The following NDUFAB1 variants were observed in gnomAD, a reference collection of about 807,000 sequenced individuals.
NDUFAB1 encodes acyl carrier protein, mitochondrial.
Under a neutral mutation model 16.1 loss-of-function variants are expected in NDUFAB1, and 5 were observed. That is an observed-to-expected ratio of 0.31 (90% CI 0.16 to 0.65). The LOEUF (loss-of-function observed/expected upper bound fraction) is 0.65. NDUFAB1 is among the 30% of genes least tolerant of loss of function. NDUFAB1 has a pLI of 0.77. For synonymous variants in NDUFAB1, 85 were observed against 78.4 expected (o/e 1.08, Z -0.44); for missense variants, 187 against 205.3 (o/e 0.91, Z 0.54).
intron 1 of NDUFAB1, among the ~76,000 whole-genome samples, chr16:23,590,639 T>TA (rs1555507748): frequency 2.1e-4 from 18 of 86,642 alleles, no homozygotes; most frequent in Non-Finnish European, 3.8e-4. Context: ...CTCTGGTCTC[T>TA]TTTTTTTTTT....
intron 3 of NDUFAB1, among the ~76,000 whole-genome samples, chr16:23,584,061 A>G (rs1174288785): frequency 6.6e-6 from 1 of 151,540 alleles, no homozygotes; most frequent in Non-Finnish European, 1.5e-5. Context: ...TGAAGGCAGC[A>G]TGCTTGTTAA....
chr16:23,587,327 G>C lies in NDUFAB1; in HGVS notation c.169-8C>G. ...TGTAACTCTACCAGGAACCTAGAGC[G>C]ACGGCAGGAAGGAAACACTGTCATT... On this transcript the variant is annotated splice_polypyrimidine_tract_variant and splice_region_variant and intron_variant, in intron 1 of 4. Coordinates refer to ENST00000007516, the MANE Select transcript of NDUFAB1 (RefSeq NM_005003.3). 6.2e-7 allele frequency: 1 copy of C among 1,612,580 alleles called. No individual in the cohort carries two copies. Among genetic ancestry groups the C allele is most frequent in the Non-Finnish European group, 8.5e-7 (1 of 1,179,486 alleles).
intron 1 of NDUFAB1, among the ~76,000 whole-genome samples, chr16:23,590,504 C>T: frequency 6.6e-6 from 1 of 152,154 alleles, no homozygotes. Flanking sequence ...GCACTTAACA[C>T]AGTAAGTGCT....
chr16:23,585,543 G>C, intron 2 of NDUFAB1, 120 bp from the exon 3 acceptor site: 1 of 705,108 alleles, frequency 1.4e-6, no homozygotes, highest in Non-Finnish European at 2.5e-6. Flanking sequence ...TTAAGTTTTA[G>C]GGTACATGTG....
chr16:23,583,672 A>G (rs1427603384), intron 3 of NDUFAB1, among the ~76,000 whole-genome samples: 3,480 of 106,522 alleles, frequency 0.033, 520 homozygotes, highest in African/African-American at 0.077. Flanking sequence ...GCCCCGTCTG[A>G]GAAGTGAGGA....
At chr16:23,587,101 G>A in intron 2 of NDUFAB1, 96 bp downstream of exon 2, 1 of 1,275,546 alleles carries the variant, frequency 7.8e-7, no homozygotes, top group South Asian at 1.4e-5. Context: ...CTGGGAGCCA[G>A]GGAGATTTTT....
rs1966244634 is a variant in NDUFAB1, at chr16:23,587,565, CA to C, written c.169-247del. 2.6e-5 allele frequency among the ~76,000 whole-genome samples: 4 copies of C among 152,240 alleles called. 1 individual carries two copies. The highest frequency in any genetic ancestry group is 5.9e-5 in the Non-Finnish European group (4 of 68,036). ...GACCGGCCCCTCTGCCTCCTGGCTT[CA>C]ACCCTCAGGCTCTGGACATTCATAC... On this transcript the variant is annotated intron_variant, in intron 1 of 4. Transcript: ENST00000007516.
intron 1 of NDUFAB1, among the ~76,000 whole-genome samples, chr16:23,595,215 G>C (rs1475568763): frequency 6.6e-6 from 1 of 152,150 alleles, no homozygotes; most frequent in Admixed American, 6.6e-5. Context: ...GTTGCAGTGA[G>C]CTGAGATCAC....
intron 1 of NDUFAB1, among the ~76,000 whole-genome samples, chr16:23,588,962 G>A (rs1290816629): frequency 4.6e-5 from 7 of 151,960 alleles, no homozygotes; most frequent in East Asian, 3.9e-4. Context: ...GCCACAGAGC[G>A]AGACTCTGTC....
At chr16:23,582,702 A>G (rs934061152) in intron 3 of NDUFAB1, among the ~76,000 whole-genome samples, 6 of 146,264 alleles carry the variant, frequency 4.1e-5, no homozygotes, top group African/African-American at 1.6e-4. Context: ...AAAGAAACCC[A>G]GCTCCCTCTC....
At chr16:23,590,123 C>T (rs750893703) in intron 1 of NDUFAB1, among the ~76,000 whole-genome samples, 102 of 152,088 alleles carry the variant, frequency 6.7e-4, no homozygotes, top group Non-Finnish European at 1.3e-3. Flanking sequence ...TACACAACTA[C>T]CCATGAGGCC....
intron 4 of NDUFAB1, among the ~76,000 whole-genome samples, chr16:23,581,687 C>T (rs1299184342): frequency 6.6e-6 from 1 of 152,026 alleles, no homozygotes; most frequent in Admixed American, 6.5e-5. Context: ...GGCTTCTTTA[C>T]ATCATTATAT....
intron 1 of NDUFAB1, 92 bp from the exon 2 acceptor site, chr16:23,587,411 C>T (rs1452395838): frequency 1.1e-5 from 17 of 1,491,158 alleles, no homozygotes; most frequent in Admixed American, 1.1e-4. Context: ...ACAGAACTTT[C>T]GGGGCTTTAG....
At chr16:23,592,568 G>A (rs1272308090) in intron 1 of NDUFAB1, among the ~76,000 whole-genome samples, 2 of 152,078 alleles carry the variant, frequency 1.3e-5, no homozygotes, top group South Asian at 2.1e-4. Context: ...CTTCATCTGC[G>A]TACCATGCCC....
intron 1 of NDUFAB1, 87 bp downstream of exon 1, chr16:23,596,036 C>A: frequency 1.4e-6 from 2 of 1,479,118 alleles, no homozygotes; most frequent in East Asian, 5.0e-5. Flanking sequence ...CTGCCTGCAG[C>A]TGGCGCGCCC....
In NDUFAB1 at chr16:23,593,894, T is replaced by G. The variant is rs552162596; in HGVS notation, c.168+2229A>C. On this transcript the variant is annotated intron_variant, in intron 1 of 4. Transcript: ENST00000007516. ...TTTATTTATTTATTTATTTATTTAT[T>G]TATTGAGATGGAGTCTGGCTCTGTC... 3.8e-3 allele frequency among the ~76,000 whole-genome samples: 571 copies of G among 150,198 alleles called. 1 individual carries two copies. Among genetic ancestry groups the G allele is most frequent in the Middle Eastern group, 6.9e-3 (2 of 290 alleles).
intron 1 of NDUFAB1, chr16:23,595,374 T>G (rs1429366316): frequency 2.8e-6 from 1 of 359,536 alleles, no homozygotes. Context: ...TTCCTTGGTA[T>G]TTGCGCAGAT....
At chr16:23,595,400 C>A (rs1966315620) in intron 1 of NDUFAB1, 16 of 368,642 alleles carry the variant, frequency 4.3e-5, no homozygotes, top group South Asian at 3.2e-4. Flanking sequence ...CCAGGACCCC[C>A]GACTATACCC....
chr16:23,587,169 GAAAA>G, intron 2 of NDUFAB1, 24 bp downstream of exon 2: 1 of 1,597,634 alleles, frequency 6.3e-7, no homozygotes. Flanking sequence ...TATATTTAAA[GAAAA>G]AAATTCAAAC....
Sources: gnomAD v4.1 joint callset for allele counts (sites outside exome capture counted in the v4.1 genomes callset) on GRCh38, gnomAD v4.1.1 for gene constraint, MANE v1.5 for transcripts, NCBI Gene and HGNC (gene_info 2026-07-23, HGNC 2026-07-21) for gene names.